Variants in FSTL5 observed in about 807,000 individuals in gnomAD.
FSTL5 encodes the protein follistatin-related protein 5.
Under a neutral mutation model 89.1 loss-of-function variants are expected in FSTL5, and 62 were observed. The observed-to-expected ratio is 0.70, with a 90% CI of 0.57 to 0.86. FSTL5 has a LOEUF of 0.86. Among genes scored for constraint, FSTL5 ranks in the 40% least tolerant of loss-of-function variants. FSTL5 has a pLI of 0.00. For missense variants in FSTL5, 1,057 were observed against 1,001.6 expected (o/e 1.06, Z -0.75); for synonymous variants, 383 against 346.2 (o/e 1.11, Z -1.18).
At chr4:161,888,103 G>C (rs114840992) in intron 4 of FSTL5, among the ~76,000 whole-genome samples, 5 of 152,014 alleles carry the variant, frequency 3.3e-5, no homozygotes, top group African/African-American at 1.2e-4. Flanking sequence ...TTATAGCAGT[G>C]TGAAAAGAGA....
At chr4:161,728,833 A>G (rs1205032165) in intron 6 of FSTL5, among the ~76,000 whole-genome samples, 1 of 152,148 alleles carries the variant, frequency 6.6e-6, no homozygotes, top group African/African-American at 2.4e-5. Context: ...AAAATTTTCA[A>G]ATTAATAGGT....
intron 8 of FSTL5, among the ~76,000 whole-genome samples, chr4:161,580,132 T>A (rs1243074386): frequency 6.6e-6 from 1 of 152,222 alleles, no homozygotes. Context: ...AATTGAAGCA[T>A]CTTGACGTCA....
chr4:161,404,695 G>A (rs1731297031), intron 15 of FSTL5, among the ~76,000 whole-genome samples: 1 of 150,066 alleles, frequency 6.7e-6, no homozygotes, highest in African/African-American at 2.5e-5. Context: ...AAGCCTTTGA[G>A]AAAAGTGACT....
intron 4 of FSTL5, among the ~76,000 whole-genome samples, chr4:161,839,799 T>A (rs1261414726): frequency 1.1e-4 from 16 of 152,198 alleles, no homozygotes; most frequent in Admixed American, 1.0e-3. Context: ...TTACATAGTG[T>A]ATGCATTTGC....
chr4:161,530,104 A>G lies in FSTL5; in HGVS notation c.1312+8062T>C, dbSNP rs75882415. 5.3e-3 allele frequency among the ~76,000 whole-genome samples: 752 copies of G among 143,142 alleles called. 83 individuals carry two copies. Among genetic ancestry groups the G allele is most frequent in the African/African-American group, 0.018 (722 of 40,220 alleles). The allele number at this position is 143,142 out of a possible 152,430, so 93.9% of individuals were successfully genotyped here. A position where few individuals can be genotyped will look rare whatever the true frequency, so the allele number is the denominator to read the frequency against. ...TAGAAATAGAAAGTAAATGAAGACT[A>G]AAGAGGTTAATTAATTTGTTTATGT... On this transcript the variant is annotated intron_variant, in intron 10 of 15. Coordinates refer to ENST00000306100, the MANE Select transcript of FSTL5 (RefSeq NM_020116.5).
intron 4 of FSTL5, among the ~76,000 whole-genome samples, chr4:161,898,985 T>C (rs1266272855): frequency 6.6e-6 from 1 of 152,092 alleles, no homozygotes; most frequent in Non-Finnish European, 1.5e-5. Context: ...CTCCATCTCC[T>C]TCCTATAGGT....
intron 2 of FSTL5, among the ~76,000 whole-genome samples, chr4:162,039,377 C>T (rs868681459): frequency 2.6e-5 from 4 of 151,428 alleles, no homozygotes; most frequent in South Asian, 2.1e-4. Context: ...TATAGTAAGA[C>T]GATGTTATTC....
chr4:161,454,274 C>T (rs1223097819), intron 15 of FSTL5, among the ~76,000 whole-genome samples: 2 of 152,096 alleles, frequency 1.3e-5, no homozygotes, highest in African/African-American at 4.8e-5. Flanking sequence ...TTTAACATTG[C>T]TAAGCAAATA....
At chr4:161,532,727 C>T (rs1236924610) in intron 10 of FSTL5, among the ~76,000 whole-genome samples, 2 of 152,078 alleles carry the variant, frequency 1.3e-5, no homozygotes, top group Admixed American at 6.6e-5. Context: ...AAATTGACAC[C>T]TGACCAATGG....
chr4:162,106,503 T>C (rs1464126513), intron 2 of FSTL5, among the ~76,000 whole-genome samples: 1 of 152,166 alleles, frequency 6.6e-6, no homozygotes, highest in Non-Finnish European at 1.5e-5. Context: ...TACACGTTAA[T>C]ATGCTGAACT....
intron 8 of FSTL5, among the ~76,000 whole-genome samples, chr4:161,550,387 G>A (rs1463302523): frequency 6.6e-6 from 1 of 151,780 alleles, no homozygotes; most frequent in South Asian, 2.1e-4. Context: ...TTTCAAAAAT[G>A]ATTGTCCTAG....
chr4:162,163,491 T>C (rs1195976650), intron 1 of FSTL5, 124 bp downstream of exon 1: 2 of 148,280 alleles, frequency 1.3e-5, no homozygotes, highest in Non-Finnish European at 3.0e-5. Context: ...AATATTTTTG[T>C]AATCATTGCC....
intron 3 of FSTL5, among the ~76,000 whole-genome samples, chr4:161,992,950 ATCTATATATATATGTGTG>A (rs1736177569): frequency 1.8e-4 from 1 of 5,414 alleles, no homozygotes; most frequent in Non-Finnish European, 6.0e-4. Flanking sequence ...ATGTGTGTAT[ATCTATATATATATGTGTG>A]TATATATATA....
chr4:161,600,158 AACACACACACAC>A (rs71598717), intron 7 of FSTL5, among the ~76,000 whole-genome samples: 59 of 142,064 alleles, frequency 4.2e-4, no homozygotes, highest in Middle Eastern at 3.6e-3. Flanking sequence ...AATGTCAATA[AACACACACACAC>A]ACACACACAC....
chr4:161,687,147 G>C (rs905868151), intron 6 of FSTL5, among the ~76,000 whole-genome samples: 1 of 151,966 alleles, frequency 6.6e-6, no homozygotes, highest in African/African-American at 2.4e-5. Context: ...ATGTAACAAC[G>C]GTTAAATGGT....
intron 15 of FSTL5, among the ~76,000 whole-genome samples, chr4:161,407,464 T>C (rs1344679425): frequency 6.6e-6 from 1 of 152,152 alleles, no homozygotes; most frequent in Non-Finnish European, 1.5e-5. Context: ...CTGAACACTA[T>C]GGCTAGTTCC....
chr4:162,017,668 A>G (rs958410227), intron 3 of FSTL5, among the ~76,000 whole-genome samples: 1 of 152,202 alleles, frequency 6.6e-6, no homozygotes, highest in African/African-American at 2.4e-5. Flanking sequence ...TATTAAAATC[A>G]GAGAACAATG....
At chr4:161,454,464 T>G (rs1448915639) in intron 15 of FSTL5, among the ~76,000 whole-genome samples, 1 of 152,186 alleles carries the variant, frequency 6.6e-6, no homozygotes, top group Non-Finnish European at 1.5e-5. Flanking sequence ...CACTAACATC[T>G]TTTCTCAAAG....
At chr4:162,090,625 A>G (rs1730510580) in intron 2 of FSTL5, among the ~76,000 whole-genome samples, 1 of 152,066 alleles carries the variant, frequency 6.6e-6, no homozygotes, top group Non-Finnish European at 1.5e-5. Context: ...GTTCGAGACT[A>G]GCCTGGCCAA....
Sources: gnomAD v4.1 joint callset for allele counts (sites outside exome capture counted in the v4.1 genomes callset) on GRCh38, gnomAD v4.1.1 for gene constraint, MANE v1.5 for transcripts, NCBI Gene and HGNC (gene_info 2026-07-23, HGNC 2026-07-21) for gene names.